The following DPY19L2 variants were observed in gnomAD, a reference collection of about 807,000 sequenced individuals.
DPY19L2 encodes probable C-mannosyltransferase DPY19L2.
A neutral mutation model predicts 97.9 loss-of-function variants in DPY19L2; 34 were observed. The ratio of observed to expected loss-of-function variants is 0.35; its 90% confidence interval spans 0.26 to 0.46. DPY19L2 has a LOEUF of 0.46. Ranked by LOEUF, DPY19L2 falls within the 20% of genes least tolerant of loss-of-function variation. The pLI, the probability that DPY19L2 is intolerant of heterozygous loss-of-function variation, is 1.00. For synonymous variants in DPY19L2, 230 were observed against 307.9 expected (o/e 0.75, Z 2.65); for missense variants, 623 against 911.4 (o/e 0.68, Z 4.07).
chr12:63,597,790 A>C lies in DPY19L2; in HGVS notation c.1461+19T>G, dbSNP rs756825536. 1 of 1,594,590 alleles carries C rather than the reference A, an allele frequency of 6.3e-7. No individual in the cohort carries two copies. Among genetic ancestry groups the C allele is most frequent in the South Asian group, 1.1e-5 (1 of 88,478 alleles). ...AAAAAACTCATATTAGTAGAGAAGG[A>C]AAAAAGAAACATTCATACCGCTTTT... is the stretch of plus-strand genomic sequence containing the variant. On this transcript the variant is annotated intron_variant, in intron 14 of 21. Transcript: ENST00000324472.
intron 6 of DPY19L2, among the ~76,000 whole-genome samples, chr12:63,638,068 A>G (rs1892055143): frequency 1.3e-5 from 2 of 152,312 alleles, no homozygotes; most frequent in South Asian, 4.1e-4. Flanking sequence ...GCAAATCAAT[A>G]AATGTAATCC....
chr12:63,597,413 A>G (rs1884429512), intron 14 of DPY19L2, among the ~76,000 whole-genome samples: 1 of 152,024 alleles, frequency 6.6e-6, no homozygotes, highest in South Asian at 2.1e-4. Context: ...TAAAAATGTT[A>G]TAATATTTGG....
rs558721664 is a variant in DPY19L2, at chr12:63,644,312, T to C, written c.803+91A>G. On this transcript the variant is annotated intron_variant, in intron 6 of 21. Coordinates refer to ENST00000324472, the MANE Select transcript of DPY19L2 (RefSeq NM_173812.5). ...ACAAACTTTCCTGATATGAATCTAA[T>C]CTCATTAATTTTCCTTTTCATTTAA... is the stretch of plus-strand genomic sequence containing the variant. 1.5e-5 allele frequency: 22 copies of C among 1,489,370 alleles called. No homozygotes were observed. The East Asian group carries it at 5.1e-4, about 35-fold the overall frequency. The allele number at this position is 1,489,370 out of a possible 1,614,324, so 92.3% of individuals were successfully genotyped here.
chr12:63,587,099 A>T (rs1881923946), intron 16 of DPY19L2, among the ~76,000 whole-genome samples: 1 of 152,166 alleles, frequency 6.6e-6, no homozygotes. Flanking sequence ...CAGGTAAACC[A>T]GGAAAATCTA....
At chr12:63,575,685 G>A (rs1012851471) in intron 19 of DPY19L2, among the ~76,000 whole-genome samples, 5 of 151,628 alleles carry the variant, frequency 3.3e-5, no homozygotes, top group African/African-American at 4.8e-5. Context: ...CCAATAAATC[G>A]GAAAACATAG....
intron 12 of DPY19L2, among the ~76,000 whole-genome samples, chr12:63,601,710 A>G (rs1425305054): frequency 6.6e-6 from 1 of 152,130 alleles, no homozygotes; most frequent in Non-Finnish European, 1.5e-5. Context: ...ATGGGAGTAC[A>G]GAGCAGGGCC....
chr12:63,570,828 T>C lies in DPY19L2; in HGVS notation c.1930A>G (p.Met644Val), dbSNP rs1592384835. 2 of 1,612,340 alleles carry C rather than the reference T, an allele frequency of 1.2e-6. No individual in the cohort carries two copies. Among genetic ancestry groups the C allele is most frequent in the Non-Finnish European group, 1.7e-6 (2 of 1,179,290 alleles). The change falls in exon 20 of 22, where the codon ATG (methionine) becomes GTG (valine). Residue 644 changes from methionine to valine, a missense_variant. This residue lies in a region of DPY19L2 where 294 missense variants were observed against 446.2 expected (regional missense o/e 0.66). Transcript: ENST00000324472. ...AGTGTAGACAGCTTGATGCTTGCCA[T>C]TGTAGGCATGGCACCTGCAAAGACA... The part of the protein sequence containing the change: ...DAVFAGAMPT[M>V]ASIKLSTLHP...
rs190421752 is a variant in DPY19L2, at chr12:63,608,464, A to G, written c.1278+152T>C. 61 of 886,290 alleles carry G rather than the reference A, an allele frequency of 6.9e-5. No homozygotes were observed. In the East Asian group the frequency reaches 1.7e-3, roughly 24 times the overall value. 54.9% of individuals were successfully genotyped at this position (886,290 alleles called of 1,614,324 possible). On this transcript the variant is annotated intron_variant, in intron 12 of 21. Transcript: ENST00000324472. ...TCCTTGCTAAGGACTATTTCCTTAC[A>G]TATCTATCTACCTTAGATAGTAACT...
intron 12 of DPY19L2, among the ~76,000 whole-genome samples, chr12:63,607,092 C>T (rs1886165384): frequency 6.6e-6 from 1 of 152,044 alleles, no homozygotes; most frequent in South Asian, 2.1e-4. Flanking sequence ...CTTTTCCTTC[C>T]TTAGATTTTT....
At chr12:63,572,193 C>T (rs571479564) in intron 19 of DPY19L2, among the ~76,000 whole-genome samples, 3 of 152,240 alleles carry the variant, frequency 2.0e-5, no homozygotes, top group East Asian at 1.9e-4. Flanking sequence ...GAGCCCACTG[C>T]CCTGAAGGGT....
chr12:63,650,704 T>C (rs1289348720), intron 4 of DPY19L2, among the ~76,000 whole-genome samples: 1 of 152,092 alleles, frequency 6.6e-6, no homozygotes, highest in African/African-American at 2.4e-5. Flanking sequence ...TAAAAACAAA[T>C]GGAAAAACAT....
Position 63,624,126 on chromosome 12 carries a change from G to A in DPY19L2, c.867C>T (p.Thr289=), listed in dbSNP as rs1889145158. ...LCFFFNHGEA[T]RVMWTPPLRE... The stretch of plus-strand genomic sequence containing the variant: ...GGAGAGGTGGTGTCCACATCACACG[G>A]GTGGCCTGAAATCAACAAAATGCCC... Residue 289 remains threonine, a synonymous_variant, in exon 8 of 22, where the codon ACC becomes ACT. Transcript: ENST00000324472. 4 of 1,610,754 alleles carry A rather than the reference G, an allele frequency of 2.5e-6. No homozygotes were observed. The highest frequency in any genetic ancestry group is 1.3e-5 in the African/African-American group (1 of 74,876).
intron 11 of DPY19L2, among the ~76,000 whole-genome samples, chr12:63,613,191 TG>T (rs1228178368): frequency 7.9e-5 from 12 of 152,064 alleles, no homozygotes; most frequent in Admixed American, 5.2e-4. Flanking sequence ...AAGACAAAGA[TG>T]TCACAAGAGA....
intron 6 of DPY19L2, among the ~76,000 whole-genome samples, chr12:63,629,044 C>T (rs374270886): frequency 6.6e-6 from 1 of 151,730 alleles, no homozygotes; most frequent in Non-Finnish European, 1.5e-5. Context: ...AGAAAGGACA[C>T]CCACACCAAA....
At chr12:63,570,570 G>A (rs1424908918) in intron 20 of DPY19L2, among the ~76,000 whole-genome samples, 188 bp downstream of exon 20, 2 of 151,886 alleles carry the variant, frequency 1.3e-5, no homozygotes, top group Non-Finnish European at 2.9e-5. Context: ...TGCTCCAGAG[G>A]CAACAGGTAC....
At chr12:63,564,563 CTAATT>C (rs1349317889) in intron 21 of DPY19L2, among the ~76,000 whole-genome samples, 2 of 152,074 alleles carry the variant, frequency 1.3e-5, no homozygotes, top group Non-Finnish European at 2.9e-5. Flanking sequence ...TTACTGATTT[CTAATT>C]TAATTTCATT....
intron 12 of DPY19L2, among the ~76,000 whole-genome samples, chr12:63,601,367 T>C (rs1885162396): frequency 6.6e-6 from 1 of 152,116 alleles, no homozygotes; most frequent in South Asian, 2.1e-4. Flanking sequence ...TTGACTAGCC[T>C]TGATTAAAAA....
At chr12:63,619,957 C>T (rs1565779471) in intron 9 of DPY19L2, 1 of 455,870 alleles carries the variant, frequency 2.2e-6, no homozygotes, top group Non-Finnish European at 4.4e-6. Flanking sequence ...AAGGGGCCAA[C>T]TTTTATGAAG....
intron 1 of DPY19L2, among the ~76,000 whole-genome samples, 180 bp from the exon 2 acceptor site, chr12:63,666,039 A>G (rs1313832564): frequency 6.6e-6 from 1 of 152,166 alleles, no homozygotes; most frequent in Admixed American, 6.5e-5. Context: ...CAAATTCTGA[A>G]CAGAGCTTAC....
Sources: allele counts gnomAD v4.1 joint callset (sites outside exome capture counted in the v4.1 genomes callset), GRCh38; gene constraint gnomAD v4.1.1; regional missense constraint gnomAD v4.1.1; transcripts MANE v1.5; gene names NCBI Gene and HGNC (gene_info 2026-07-23, HGNC 2026-07-21).